ZCCHC14: variants seen among roughly 807,000 people sequenced by gnomAD.
The protein encoded by ZCCHC14 is zinc finger CCHC domain-containing protein 14.
In ZCCHC14, 16 loss-of-function variants were observed where a neutral mutation model predicts 85.0. That is an observed-to-expected ratio of 0.19 (90% CI 0.13 to 0.29). The LOEUF is 0.29. Among genes scored for constraint, ZCCHC14 ranks in the 10% least tolerant of loss-of-function variants. The probability of loss-of-function intolerance (pLI) is 1.00; values close to 1 mark genes in which losing one functional copy is unlikely to be tolerated. For synonymous variants in ZCCHC14, 775 were observed against 630.7 expected, an observed-to-expected ratio of 1.23 and a Z score of -3.43; for missense variants, 1,303 against 1,443.5, an observed-to-expected ratio of 0.90 and a Z score of 1.58.
chr16:87,490,515 CTT>C (rs1255281879), intron 1 of ZCCHC14, among the ~76,000 whole-genome samples: 3 of 152,356 alleles, frequency 2.0e-5, no homozygotes, highest in African/African-American at 2.4e-5. Context: ...GCCCCAGACA[CTT>C]TGCGTTTTCA....
In ZCCHC14 at chr16:87,452,662, T is replaced by TA. The variant is rs200440581; in HGVS notation, c.694+7345dup. 2.9e-3 allele frequency among the ~76,000 whole-genome samples: 446 copies of TA among 151,884 alleles called. 1 individual carries two copies. The highest frequency in any genetic ancestry group is 9.5e-3 in the African/African-American group (392 of 41,388). Reference sequence around the variant, plus strand: ...TGCACAGGGATGACATTTCACAATTTAAAAAAAACAGAAGCAGCCAAGGGA... The same window carrying TA: ...TGCACAGGGATGACATTTCACAATTTAAAAAAAAACAGAAGCAGCCAAGGGA... On this transcript the variant is annotated intron_variant, in intron 2 of 12. Transcript: ENST00000671377.
At chr16:87,425,024 T>C (rs1247075660) in intron 3 of ZCCHC14, among the ~76,000 whole-genome samples, 1 of 152,138 alleles carries the variant, frequency 6.6e-6, no homozygotes, top group East Asian at 1.9e-4. Context: ...CCCACATCCA[T>C]GGGCCTGCAG....
Position 87,467,893 on chromosome 16 carries a change from C to T in ZCCHC14, c.571-7762G>A, listed in dbSNP as rs539877317. Among the ~76,000 whole-genome samples the T allele has an allele frequency of 2.5e-3, 379 of 152,268 alleles. 3 individuals are homozygous for T. Among genetic ancestry groups the T allele is most frequent in the Non-Finnish European group, 4.2e-3 (283 of 68,020 alleles). On this transcript the variant is annotated intron_variant, in intron 1 of 12. Coordinates refer to ENST00000671377, the MANE Select transcript of ZCCHC14 (RefSeq NM_015144.3). ...GTTTCAATATCCTGACGTCGTGGTC[C>T]GCCCGCCTCAGCCTCCCAAAGTGCT... is the stretch of plus-strand genomic sequence containing the variant.
chr16:87,437,881 G>A (rs960619082), intron 2 of ZCCHC14, among the ~76,000 whole-genome samples: 2 of 152,232 alleles, frequency 1.3e-5, no homozygotes, highest in African/African-American at 4.8e-5. Flanking sequence ...TAAGAATGGT[G>A]ATGTCCAAAG....
chr16:87,442,225 G>A (rs1267467177), intron 2 of ZCCHC14, among the ~76,000 whole-genome samples: 1 of 152,172 alleles, frequency 6.6e-6, no homozygotes, highest in Non-Finnish European at 1.5e-5. Context: ...CCCAAAGGAC[G>A]AGGCCAAACA....
chr16:87,454,067 G>A (rs1198036036), intron 2 of ZCCHC14, among the ~76,000 whole-genome samples: 2 of 152,030 alleles, frequency 1.3e-5, no homozygotes, highest in Admixed American at 1.3e-4. Context: ...ATGACAGAAG[G>A]GTACAAGAGC....
At position 87,492,922 on chromosome 16, in the gene ZCCHC14, G is replaced by A. The variant is rs1422991376; in HGVS notation, c.-684C>T. On this transcript the variant is annotated 5_prime_UTR_variant, in exon 1 of 13. Coordinates refer to ENST00000671377, the MANE Select transcript of ZCCHC14 (RefSeq NM_015144.3). The surrounding 1 kb of genome is among the most constrained non-coding windows in gnomAD (Gnocchi z 6.7). ...CGGGCCCGAGCGCGGCGGCGGCGGC[G>A]ACGGCGACGGCGACGGCGACGGCGA... 7.1e-6 allele frequency among the ~76,000 whole-genome samples: 1 copy of A among 141,106 alleles called. No homozygotes were observed. Among genetic ancestry groups the A allele is most frequent in the Admixed American group, 7.0e-5 (1 of 14,290 alleles). 92.6% of individuals were successfully genotyped at this position (141,106 alleles called of 152,430 possible).
intron 1 of ZCCHC14, among the ~76,000 whole-genome samples, chr16:87,480,940 T>G (rs117101592): frequency 0.017 from 2,536 of 152,230 alleles, 25 homozygotes; most frequent in Middle Eastern, 0.048. Flanking sequence ...GAGAGAGGTG[T>G]GTACGGACAG....
At chr16:87,415,469 A>AT in intron 8 of ZCCHC14, 102 bp from the exon 9 acceptor site, 1 of 960,976 alleles carries the variant, frequency 1.0e-6, no homozygotes, top group Non-Finnish European at 1.6e-6. Context: ...TGCCTCTGGG[A>AT]TATGCAAACA....
At chr16:87,454,405 T>C (rs150812364) in intron 2 of ZCCHC14, among the ~76,000 whole-genome samples, 2 of 152,150 alleles carry the variant, frequency 1.3e-5, no homozygotes, top group Non-Finnish European at 2.9e-5. Context: ...CAGAGAAAAA[T>C]GGCCCACGGC....
chr16:87,481,556 GGTAAGC>G (rs1411547434), intron 1 of ZCCHC14, among the ~76,000 whole-genome samples: 29 of 76,344 alleles, frequency 3.8e-4, no homozygotes, highest in African/African-American at 5.1e-4. Context: ...GGGGGGGAAG[GGTAAGC>G]GGGAGGGGAA....
In ZCCHC14 at chr16:87,460,009, T is replaced by C. The variant is rs751443721; in HGVS notation, c.693A>G (p.Lys231=). 3 of 1,614,136 alleles carry C rather than the reference T, an allele frequency of 1.9e-6. No homozygotes were observed. Among genetic ancestry groups the C allele is most frequent in the Non-Finnish European group, 2.5e-6 (3 of 1,180,006 alleles). ...CCTGAAACCCGTGCGTGCACTCACC[T>C]TTGCTGTGTTTTCCTAAGGGCCTCT... ...LPKRPLGKHS[K]VSVEKIDLKG... The change falls in exon 2 of 13, where the codon AAA becomes AAG. Residue 231 remains lysine, a splice_region_variant and synonymous_variant. Coordinates refer to ENST00000671377, the MANE Select transcript of ZCCHC14 (RefSeq NM_015144.3).
At chr16:87,413,607 G>C (rs914446412) in intron 10 of ZCCHC14, among the ~76,000 whole-genome samples, 2 of 151,464 alleles carry the variant, frequency 1.3e-5, no homozygotes, top group Non-Finnish European at 2.9e-5. Context: ...CTGCTCCTCC[G>C]ATTTCTATTG....
intron 3 of ZCCHC14, among the ~76,000 whole-genome samples, chr16:87,428,561 G>A (rs1010825707): frequency 6.6e-6 from 1 of 152,096 alleles, no homozygotes; most frequent in Non-Finnish European, 1.5e-5. Flanking sequence ...TTTAACAAAA[G>A]GAGTTGTAAT....
At chr16:87,486,262 AC>A (rs1469611781) in intron 1 of ZCCHC14, among the ~76,000 whole-genome samples, 1 of 152,148 alleles carries the variant, frequency 6.6e-6, no homozygotes, top group Non-Finnish European at 1.5e-5. Context: ...ACGGTCACGC[AC>A]TGCATAAGGA....
intron 2 of ZCCHC14, among the ~76,000 whole-genome samples, chr16:87,455,544 A>G (rs368791484): frequency 6.6e-6 from 1 of 152,340 alleles, no homozygotes. Flanking sequence ...ACGATGAAGA[A>G]CTTGACTCCT....
chr16:87,477,147 CAAAA>C (rs1366081966), intron 1 of ZCCHC14, among the ~76,000 whole-genome samples: 9 of 79,018 alleles, frequency 1.1e-4, no homozygotes, highest in African/African-American at 5.0e-4. Flanking sequence ...AAAAACAAAA[CAAAA>C]CCAAAAAAAA....
Position 87,420,490 on chromosome 16 carries a change from C to T in ZCCHC14, c.950+117G>A. 1 of 741,504 alleles carries T rather than the reference C, an allele frequency of 1.3e-6. No homozygotes were observed. The highest frequency in any genetic ancestry group is 2.1e-6 in the Non-Finnish European group (1 of 465,324). 45.9% of individuals were successfully genotyped at this position (741,504 alleles called of 1,614,324 possible). On this transcript the variant is annotated intron_variant, in intron 5 of 12. Transcript: ENST00000671377. The surrounding 1 kb of genome is among the most constrained non-coding windows in gnomAD (Gnocchi z 5.0). ...AAATCCCTAGAGGCCAAGTAGAGAC[C>T]CAGGTCCAGGTGACCGCGCATCCTC...
Position 87,419,766 on chromosome 16 carries a change from A to G in ZCCHC14, c.1045+17T>C, listed in dbSNP as rs1334694145. On this transcript the variant is annotated intron_variant, in intron 6 of 12. Coordinates refer to ENST00000671377, the MANE Select transcript of ZCCHC14 (RefSeq NM_015144.3). ...TTTTTTTTTTAATTTATATTTAACC[A>G]TATTTTACAAACTCACTTGGACTCT... 39 of 1,569,314 alleles carry G rather than the reference A, an allele frequency of 2.5e-5. No individual in the cohort carries two copies. The highest frequency in any genetic ancestry group is 3.4e-5 in the Non-Finnish European group (39 of 1,162,712).
Sources: allele counts gnomAD v4.1 joint callset (sites outside exome capture counted in the v4.1 genomes callset), GRCh38; gene constraint gnomAD v4.1.1; non-coding constraint Gnocchi (gnomAD v3.1); transcripts MANE v1.5; gene names NCBI Gene and HGNC (gene_info 2026-07-23, HGNC 2026-07-21).